DPYD: variants seen among roughly 807,000 people sequenced by gnomAD.
The protein encoded by DPYD is dihydropyrimidine dehydrogenase [NADP(+)].
A neutral mutation model predicts 116.2 loss-of-function variants in DPYD; 109 were observed. The observed-to-expected ratio is 0.94, with a 90% CI of 0.80 to 1.10. DPYD has a LOEUF of 1.10. Ranked by LOEUF, DPYD falls within the 50% of genes least tolerant of loss-of-function variation. The pLI is 0.00. For synonymous variants in DPYD, 440 were observed against 432.0 expected (o/e 1.02, Z -0.23); for missense variants, 1,302 against 1,254.5 (o/e 1.04, Z -0.57).
At chr1:97,342,708 GAAGTCT>G (rs1406721120) in intron 16 of DPYD, among the ~76,000 whole-genome samples, 3 of 152,170 alleles carry the variant, frequency 2.0e-5, no homozygotes, top group Non-Finnish European at 4.4e-5. Context: ...TGAATGTTCA[GAAGTCT>G]AAAAGATACA....
At chr1:97,213,117 A>C (rs1444274346) in intron 19 of DPYD, among the ~76,000 whole-genome samples, 4 of 152,014 alleles carry the variant, frequency 2.6e-5, no homozygotes, top group Non-Finnish European at 5.9e-5. Flanking sequence ...CACCAATCTC[A>C]TTTATAAGGG....
intron 14 of DPYD, among the ~76,000 whole-genome samples, chr1:97,384,456 G>A (rs575776367): frequency 5.3e-4 from 80 of 152,036 alleles, no homozygotes; most frequent in Non-Finnish European, 8.7e-4. Flanking sequence ...ACAGTAACTA[G>A]CATGGTATTT....
chr1:97,863,271 ACAG>A (rs1475761555), intron 2 of DPYD, among the ~76,000 whole-genome samples: 7 of 152,026 alleles, frequency 4.6e-5, no homozygotes, highest in African/African-American at 1.7e-4. Context: ...CACACACATA[ACAG>A]CATTTATATC....
chr1:97,159,114 C>G (rs1655701157), intron 20 of DPYD, among the ~76,000 whole-genome samples: 1 of 151,912 alleles, frequency 6.6e-6, no homozygotes, highest in South Asian at 2.1e-4. Context: ...CTGAGATGAT[C>G]CAGATATTAG....
intron 11 of DPYD, among the ~76,000 whole-genome samples, chr1:97,573,364 C>G (rs1446278359): frequency 6.6e-6 from 1 of 152,040 alleles, no homozygotes; most frequent in Non-Finnish European, 1.5e-5. Flanking sequence ...AACACAAATT[C>G]TATTTTTGGC....
intron 18 of DPYD, among the ~76,000 whole-genome samples, chr1:97,273,235 A>G (rs1664717465): frequency 6.6e-6 from 1 of 152,294 alleles, no homozygotes; most frequent in East Asian, 1.9e-4. Flanking sequence ...TTTTAGAAAC[A>G]TAATTCTCTA....
intron 20 of DPYD, among the ~76,000 whole-genome samples, chr1:97,159,295 A>G (rs1655715218): frequency 6.6e-6 from 1 of 152,150 alleles, no homozygotes; most frequent in African/African-American, 2.4e-5. Flanking sequence ...TAAAAAGTTC[A>G]TTAGGTAGGC....
At chr1:97,751,392 G>C (rs1353213448) in intron 3 of DPYD, among the ~76,000 whole-genome samples, 1 of 135,594 alleles carries the variant, frequency 7.4e-6, no homozygotes, top group Non-Finnish European at 1.6e-5. Context: ...ATATATGTGT[G>C]TATATATACA....
intron 4 of DPYD, among the ~76,000 whole-genome samples, chr1:97,726,822 G>GAAGAA: frequency 6.6e-6 from 1 of 151,420 alleles, no homozygotes. Context: ...CACATAAAAT[G>GAAGAA]ATATCACAAG....
At chr1:97,506,901 A>G (rs1297560880) in intron 13 of DPYD, among the ~76,000 whole-genome samples, 1 of 152,050 alleles carries the variant, frequency 6.6e-6, no homozygotes, top group Admixed American at 6.6e-5. Flanking sequence ...CAAACATGGT[A>G]TGATTGCGAA....
At chr1:97,613,560 C>T (rs1656079849) in intron 8 of DPYD, among the ~76,000 whole-genome samples, 1 of 151,956 alleles carries the variant, frequency 6.6e-6, no homozygotes, top group Non-Finnish European at 1.5e-5. Context: ...CTTTCCGAAA[C>T]ACCTGTTTTC....
intron 10 of DPYD, among the ~76,000 whole-genome samples, chr1:97,578,249 C>A (rs561421311): frequency 2.0e-5 from 3 of 152,024 alleles, no homozygotes; most frequent in Non-Finnish European, 4.4e-5. Flanking sequence ...TTAATCTTCA[C>A]ACAGAAAATA....
intron 13 of DPYD, among the ~76,000 whole-genome samples, chr1:97,514,566 CAATT>C (rs1457177201): frequency 1.3e-5 from 2 of 151,688 alleles, no homozygotes; most frequent in East Asian, 1.9e-4. Context: ...AGGTTATAAA[CAATT>C]GATTCATGGT....
intron 1 of DPYD, among the ~76,000 whole-genome samples, chr1:97,886,761 T>A (rs1320270145): frequency 6.6e-6 from 1 of 151,922 alleles, no homozygotes; most frequent in African/African-American, 2.4e-5. Context: ...AATGTTCATG[T>A]CAAACAATTA....
intron 19 of DPYD, among the ~76,000 whole-genome samples, chr1:97,229,587 T>A (rs1798724): frequency 0.015 from 981 of 64,588 alleles, 26 homozygotes; most frequent in African/African-American, 0.052. Context: ...TATATATATA[T>A]ATACTGATTT....
chr1:97,764,574 A>G (rs1665746590), intron 3 of DPYD, among the ~76,000 whole-genome samples: 1 of 152,064 alleles, frequency 6.6e-6, no homozygotes, highest in African/African-American at 2.4e-5. Flanking sequence ...TTAATTGTCC[A>G]ATTTTCAGTT....
chr1:97,172,684 G>A (rs1201778594), intron 20 of DPYD, among the ~76,000 whole-genome samples: 1 of 152,116 alleles, frequency 6.6e-6, no homozygotes, highest in Admixed American at 6.6e-5. Flanking sequence ...GATTTGATAG[G>A]ATTTATGCTA....
intron 20 of DPYD, among the ~76,000 whole-genome samples, chr1:97,186,790 G>C (rs77311921): frequency 6.6e-6 from 1 of 152,200 alleles, no homozygotes; most frequent in African/African-American, 2.4e-5. Flanking sequence ...CAGGGTTGCA[G>C]TGAGCCGAGA....
intron 14 of DPYD, among the ~76,000 whole-genome samples, chr1:97,429,638 T>C (rs1483020675): frequency 6.6e-6 from 1 of 152,074 alleles, no homozygotes; most frequent in East Asian, 1.9e-4. Flanking sequence ...GTAAGGATAA[T>C]GATACCTCCT....
Sources: allele counts gnomAD v4.1 joint callset (sites outside exome capture counted in the v4.1 genomes callset), GRCh38; gene constraint gnomAD v4.1.1; transcripts MANE v1.5; gene names NCBI Gene and HGNC (gene_info 2026-07-23, HGNC 2026-07-21).